The following UGGT1 variants were observed in gnomAD, a reference collection of about 807,000 sequenced individuals.
UGGT1 encodes UDP-glucose glycoprotein glucosyltransferase 1, also known as UDP-glucose:glycoprotein glucosyltransferase 1.
UGGT1 carries 107 observed loss-of-function variants against 203.9 expected under a neutral mutation model. The observed-to-expected ratio is 0.52, with a 90% CI of 0.45 to 0.62. UGGT1 has a LOEUF of 0.62. Among genes scored for constraint, UGGT1 ranks in the 20% least tolerant of loss-of-function variants. The pLI is 0.00. For synonymous variants in UGGT1, 628 were observed against 653.5 expected, an observed-to-expected ratio of 0.96 and a Z score of 0.59; for missense variants, 1,673 against 1,867.2, an observed-to-expected ratio of 0.90 and a Z score of 1.92.
rs1329156273 is a variant in UGGT1, at chr2:128,181,034, C to T, written c.4045C>T (p.Leu1349=). ...CCTCTTCCTGGATGTACTTTTCCCA[C>T]TAGTTGTTGACAAGTTCCTGTTTGT... is the stretch of plus-strand genomic sequence containing the variant. ...KILFLDVLFP[L]VVDKFLFVDA... is the part of the protein sequence containing the mutation. The change falls in exon 36 of 41, where the codon CTA becomes TTA. Residue 1349 remains leucine, a synonymous_variant. Transcript: ENST00000259253. 6.2e-7 allele frequency: 1 copy of T among 1,614,036 alleles called. No homozygotes were observed. The highest frequency in any genetic ancestry group is 1.3e-5 in the African/African-American group (1 of 74,926).
intron 26 of UGGT1, among the ~76,000 whole-genome samples, chr2:128,165,191 C>T (rs979262352): frequency 2.0e-5 from 3 of 152,204 alleles, no homozygotes; most frequent in Non-Finnish European, 2.9e-5. Flanking sequence ...CTTTGGGAGG[C>T]CAGTGTGGGA....
chr2:128,127,776 A>C (rs576904337), intron 12 of UGGT1, among the ~76,000 whole-genome samples: 1 of 152,186 alleles, frequency 6.6e-6, no homozygotes, highest in Non-Finnish European at 1.5e-5. Context: ...AGATTTATTA[A>C]AAATAACTGC....
Position 128,145,723 on chromosome 2 carries a change from C to T in UGGT1, c.1852-80C>T, listed in dbSNP as rs925738395. The T allele has an allele frequency of 1.1e-5, 14 of 1,230,380 alleles. No individual in the cohort carries two copies. The African/African-American group carries it at 2.2e-4, about 19-fold the overall frequency. The allele number at this position is 1,230,380 out of a possible 1,614,324, so 76.2% of individuals were successfully genotyped here. On this transcript the variant is annotated intron_variant, in intron 17 of 40. Coordinates refer to ENST00000259253, the MANE Select transcript of UGGT1 (RefSeq NM_020120.4). ...TTCTATTGATTGTTGTTAGAACAGGCATGTAAGAAAAATATGCTGTGTTCC... is the reference window on the plus strand; with the variant it reads ...TTCTATTGATTGTTGTTAGAACAGGTATGTAAGAAAAATATGCTGTGTTCC...
intron 18 of UGGT1, among the ~76,000 whole-genome samples, chr2:128,147,589 A>G (rs1341429584): frequency 6.6e-6 from 1 of 151,642 alleles, no homozygotes; most frequent in East Asian, 1.9e-4. Context: ...AGTATACACC[A>G]TACTTTTTTC....
rs115308081 is a variant in UGGT1, at chr2:128,097,026, G to T, written c.59-403G>T. On this transcript the variant is annotated intron_variant, in intron 1 of 40. Transcript: ENST00000259253. ...CTGTTTCGCTAACTTATGTTATTTT[G>T]TGTCTCCAAGTATTATTAGGATTGT... Among the ~76,000 whole-genome samples the T allele has an allele frequency of 4.1e-3, 627 of 152,290 alleles. 2 individuals carry two copies. Among genetic ancestry groups the T allele is most frequent in the African/African-American group, 0.014 (594 of 41,554 alleles).
chr2:128,143,251 T>C, intron 17 of UGGT1, 26 bp downstream of exon 17: 3 of 1,611,306 alleles, frequency 1.9e-6, no homozygotes, highest in Non-Finnish European at 1.7e-6. Context: ...GTGTTTCTTA[T>C]TTGATTGCAA....
At chr2:128,128,034 C>T (rs1688681655) in intron 12 of UGGT1, among the ~76,000 whole-genome samples, 2 of 151,906 alleles carry the variant, frequency 1.3e-5, no homozygotes, top group South Asian at 4.2e-4. Context: ...AGATTGCACC[C>T]CTGCACTCCA....
At chr2:128,128,971 G>T (rs1407831664) in intron 12 of UGGT1, 58 bp from the exon 13 acceptor site, 44 of 1,461,018 alleles carry the variant, frequency 3.0e-5, no homozygotes, top group Non-Finnish European at 3.9e-5. Context: ...TTCATGGTGA[G>T]AATTTTTTTT....
intron 28 of UGGT1, among the ~76,000 whole-genome samples, chr2:128,171,885 A>G (rs1052489251): frequency 9.2e-5 from 14 of 152,202 alleles, no homozygotes; most frequent in Non-Finnish European, 1.6e-4. Flanking sequence ...TTGCTTAGCT[A>G]TATATTGTCA....
rs189005589 is a variant in UGGT1, at chr2:128,142,698, A to G, written c.1720-396A>G. 4.7e-5 allele frequency among the ~76,000 whole-genome samples: 7 copies of G among 147,796 alleles called. No individual in the cohort carries two copies. The East Asian group carries it at 1.4e-3, about 30-fold the overall frequency. ...CCAATTTGACCTTTCAAGAAAAGTAATTGGCCAGGCGCAGTGGCTCATGCC... is the reference window on the plus strand; with the variant it reads ...CCAATTTGACCTTTCAAGAAAAGTAGTTGGCCAGGCGCAGTGGCTCATGCC... On this transcript the variant is annotated intron_variant, in intron 16 of 40. Transcript: ENST00000259253.
rs199986756 is a variant in UGGT1 at position 128,186,663 on chromosome 2, AT to A, written c.4360-11del. On this transcript the variant is annotated intron_variant, in intron 38 of 40. Transcript: ENST00000259253. ...CTTTAGATACATGTATTTTATTTTT[AT>A]TTTTTTTTAACCAAACAGGATCTGC... The A allele has an allele frequency of 1.3e-3, 2,004 of 1,505,164 alleles. No individual in the cohort carries two copies. The highest frequency in any genetic ancestry group is 2.0e-3 in the Admixed American group (107 of 53,156). 93.2% of individuals were successfully genotyped at this position (1,505,164 alleles called of 1,614,324 possible). A position where few individuals can be genotyped will look rare whatever the true frequency, so the allele number is the denominator to read the frequency against.
intron 6 of UGGT1, among the ~76,000 whole-genome samples, chr2:128,114,549 T>G (rs1483639295): frequency 6.6e-6 from 1 of 152,190 alleles, no homozygotes; most frequent in Non-Finnish European, 1.5e-5. Context: ...GTCAGGATGC[T>G]GGTGAGCCTG....
intron 40 of UGGT1, among the ~76,000 whole-genome samples, chr2:128,188,336 G>A (rs752408579): frequency 2.0e-5 from 3 of 152,006 alleles, no homozygotes; most frequent in Admixed American, 6.6e-5. Context: ...GAGGCACTGC[G>A]CCTGGCCGAA....
chr2:128,141,135 C>G (rs1689402176), intron 16 of UGGT1, among the ~76,000 whole-genome samples: 1 of 152,046 alleles, frequency 6.6e-6, no homozygotes, highest in Admixed American at 6.5e-5. Context: ...ACCAGCCTGG[C>G]CAACATGGTG....
chr2:128,143,206 C>T lies in UGGT1; in HGVS notation c.1832C>T (p.Ala611Val), dbSNP rs1316378594. 3.5e-5 allele frequency: 56 copies of T among 1,613,474 alleles called. No individual in the cohort carries two copies. Among genetic ancestry groups the T allele is most frequent in the Non-Finnish European group, 4.1e-5 (48 of 1,179,806 alleles). Residue 611 changes from alanine (A) to valine (V), a missense_variant, in exon 17 of 41, where the codon GCT becomes GTT. Ala to Val is a moderately conservative substitution (Grantham distance 64). Coordinates refer to ENST00000259253, the MANE Select transcript of UGGT1 (RefSeq NM_020120.4). ...AATAGCATTTTGGGGATTGATTCTG[C>T]TTATGATCGGAATCGGAAGGTAAAA... ...EVNSILGIDS[A>V]YDRNRKEARG...
intron 26 of UGGT1, among the ~76,000 whole-genome samples, chr2:128,168,220 G>A (rs1328133385): frequency 1.3e-5 from 2 of 152,168 alleles, no homozygotes; most frequent in African/African-American, 2.4e-5. Flanking sequence ...CAAATGCCCA[G>A]GGGAAGCTGA....
rs1692376472 is a variant in UGGT1, at chr2:128,193,516, C to T, written c.*3774C>T. ...GGTGGTGATCTGCCCACCTCGGCCT[C>T]CCAAAGTGCTGGGATTACAGGCGTG... On this transcript the variant is annotated 3_prime_UTR_variant, in exon 41 of 41. Transcript: ENST00000259253. The T allele has an allele frequency of 6.6e-6, 1 of 152,388 alleles. No homozygotes were observed. Among genetic ancestry groups the T allele is most frequent in the Admixed American group, 6.6e-5 (1 of 15,262 alleles). The allele number at this position is 152,388 out of a possible 1,614,324, so 9.4% of individuals were successfully genotyped here.
At chr2:128,131,450 G>A (rs1319864851) in intron 13 of UGGT1, among the ~76,000 whole-genome samples, 1 of 152,098 alleles carries the variant, frequency 6.6e-6, no homozygotes. Context: ...AGGTCCTCCT[G>A]CCTCAGCCTC....
At chr2:128,157,476 A>C (rs2104729777) in intron 22 of UGGT1, 130 bp downstream of exon 22, 2 of 657,402 alleles carry the variant, frequency 3.0e-6, no homozygotes, top group Non-Finnish European at 2.6e-6. Context: ...GGGAACGGAG[A>C]ATTGTATCTC....
Sources: allele counts gnomAD v4.1 joint callset (sites outside exome capture counted in the v4.1 genomes callset), GRCh38; gene constraint gnomAD v4.1.1; transcripts MANE v1.5; gene names NCBI Gene and HGNC (gene_info 2026-07-23, HGNC 2026-07-21).